Variants in PRDM6 observed in about 807,000 individuals in gnomAD.
PRDM6 encodes PR/SET domain 6.
In PRDM6, 25 loss-of-function variants were observed where a neutral mutation model predicts 60.8. The ratio of observed to expected loss-of-function variants is 0.41; its 90% confidence interval spans 0.30 to 0.57. The LOEUF (loss-of-function observed/expected upper bound fraction) is 0.57. Ranked by LOEUF, PRDM6 falls within the 20% of genes least tolerant of loss-of-function variation. The probability of loss-of-function intolerance (pLI) is 0.27; values close to 1 mark genes in which losing one functional copy is unlikely to be tolerated. For synonymous variants in PRDM6, 407 were observed against 357.4 expected (o/e 1.14, Z -1.57); for missense variants, 839 against 821.3 (o/e 1.02, Z -0.26).
chr5:123,117,996 G>A (rs902169258), intron 3 of PRDM6, among the ~76,000 whole-genome samples: 19 of 152,240 alleles, frequency 1.2e-4, no homozygotes, highest in Admixed American at 6.5e-4. Context: ...GAAAGACACA[G>A]TCCATGACTA....
At chr5:123,095,235 G>A (rs989168496) in intron 2 of PRDM6, among the ~76,000 whole-genome samples, 6 of 152,270 alleles carry the variant, frequency 3.9e-5, no homozygotes, top group Non-Finnish European at 8.8e-5. Context: ...CGGATCGTGG[G>A]TGGTGTCGGC....
In PRDM6 at chr5:123,187,937, A is replaced by G. The variant is rs1257035681; in HGVS notation, c.*736A>G. 1 of 152,174 alleles carries G rather than the reference A, an allele frequency of 6.6e-6. No individual in the cohort carries two copies. The highest frequency in any genetic ancestry group is 1.9e-4 in the East Asian group (1 of 5,186). 9.4% of individuals were successfully genotyped at this position (152,174 alleles called of 1,614,324 possible). On this transcript the variant is annotated 3_prime_UTR_variant, in exon 8 of 8. Transcript: ENST00000407847. ...GAACATGTAAAATGTACGGAGCTTC[A>G]TAATACGTTATATTGTTCCGAAGCA...
intron 7 of PRDM6, among the ~76,000 whole-genome samples, chr5:123,181,722 C>T (rs1337953783): frequency 1.3e-5 from 2 of 152,126 alleles, no homozygotes; most frequent in Admixed American, 6.5e-5. Context: ...TCAGTCTCAG[C>T]CAAGAAGTCT....
rs1360900272 is a variant in PRDM6 at position 123,127,625 on chromosome 5, G to C, written c.900+27664G>C. The stretch of plus-strand genomic sequence containing the variant: ...CATCTATGGATGAAATAAAGCAAAG[G>C]CTTTTGATCCGAAAACAGTGCTTTT... On this transcript the variant is annotated intron_variant, in intron 3 of 7. Transcript: ENST00000407847. Among the ~76,000 whole-genome samples, 4 of 152,216 alleles carry C rather than the reference G, an allele frequency of 2.6e-5. No homozygotes were observed. The East Asian group carries it at 5.8e-4, about 22-fold the overall frequency.
At position 123,099,970 on chromosome 5, in the gene PRDM6, C is replaced by T; in HGVS notation, c.900+9C>T. Reference sequence around the variant, plus strand: ...CGCAGCATCTCTGGGAGGTAAGTGGCCGGCTGCACAGCGCCTCCCCACCGA... The same window carrying T: ...CGCAGCATCTCTGGGAGGTAAGTGGTCGGCTGCACAGCGCCTCCCCACCGA... On this transcript the variant is annotated intron_variant, in intron 3 of 7. Coordinates refer to ENST00000407847, the MANE Select transcript of PRDM6 (RefSeq NM_001136239.4). The surrounding 1 kb of genome is among the most constrained non-coding windows in gnomAD (Gnocchi z 4.0). 6.7e-7 allele frequency: 1 copy of T among 1,495,096 alleles called. No individual in the cohort carries two copies. The highest frequency in any genetic ancestry group is 9.0e-7 in the Non-Finnish European group (1 of 1,114,710). 92.6% of individuals were successfully genotyped at this position (1,495,096 alleles called of 1,614,324 possible).
At position 123,099,885 on chromosome 5, in the gene PRDM6, G is replaced by T; in HGVS notation, c.824G>T (p.Gly275Val). The change falls in exon 3 of 8, where the codon GGA becomes GTA. Residue 275 changes from glycine to valine, a missense_variant. Around this residue, in one of 2 missense-constraint regions of PRDM6, gnomAD observed 730 missense variants for 648.8 expected, o/e 1.13. Transcript: ENST00000407847. This position sits in a 1 kb window ranked among gnomAD's most constrained non-coding sequence, Gnocchi z 4.0. Reference sequence around the variant, plus strand: ...AGGATCCAGCAAGGCACCTGGATTGGACCTTTCCAAGGCGTGCTTCTGCCC... The same window carrying T: ...AGGATCCAGCAAGGCACCTGGATTGTACCTTTCCAAGGCGTGCTTCTGCCC... ...AQRIQQGTWI[G>V]PFQGVLLPPE... The T allele has an allele frequency of 6.5e-7, 1 of 1,549,854 alleles. No individual in the cohort carries two copies. Among genetic ancestry groups the T allele is most frequent in the South Asian group, 1.2e-5 (1 of 83,610 alleles).
intron 2 of PRDM6, among the ~76,000 whole-genome samples, chr5:123,091,713 A>G (rs1168822334): frequency 1.3e-5 from 2 of 152,268 alleles, no homozygotes; most frequent in African/African-American, 4.8e-5. Flanking sequence ...GATTGAAAGC[A>G]ATACAGGATT....
intron 3 of PRDM6, among the ~76,000 whole-genome samples, chr5:123,144,514 T>C (rs1765192802): frequency 2.0e-5 from 3 of 151,854 alleles, no homozygotes; most frequent in Non-Finnish European, 4.4e-5. Context: ...GAGGCATGAA[T>C]GGGGTGGGGG....
At chr5:123,097,973 G>T (rs1763995451) in intron 2 of PRDM6, among the ~76,000 whole-genome samples, 1 of 152,236 alleles carries the variant, frequency 6.6e-6, no homozygotes, top group African/African-American at 2.4e-5. Flanking sequence ...GGTTTGGCTG[G>T]CTAGAGCCCC....
At chr5:123,118,541 C>T (rs759064790) in intron 3 of PRDM6, among the ~76,000 whole-genome samples, 1 of 152,218 alleles carries the variant, frequency 6.6e-6, no homozygotes, top group Non-Finnish European at 1.5e-5. Context: ...CATCCAAGCT[C>T]TCCCCTTCAT....
chr5:123,158,575 G>A (rs1428471050), intron 4 of PRDM6, among the ~76,000 whole-genome samples: 1 of 152,126 alleles, frequency 6.6e-6, no homozygotes, highest in Admixed American at 6.5e-5. Flanking sequence ...TGATCCTATT[G>A]CCAAGAGCCA....
At chr5:123,128,713 G>C (rs2150221902) in intron 3 of PRDM6, among the ~76,000 whole-genome samples, 1 of 152,294 alleles carries the variant, frequency 6.6e-6, no homozygotes, top group South Asian at 2.1e-4. Context: ...CTCCCATTCT[G>C]TAGGTTACCT....
At position 123,099,581 on chromosome 5, in the gene PRDM6, T is replaced by C; in HGVS notation, c.593-73T>C. On this transcript the variant is annotated intron_variant, in intron 2 of 7. Transcript: ENST00000407847. The surrounding 1 kb of genome is among the most constrained non-coding windows in gnomAD (Gnocchi z 4.0). ...CGGTGATGCTGTTGTCTCGGGAGTT[T>C]ACTCAAAGATGGGCCGCTCGGGGCG... 1 of 1,345,454 alleles carries C rather than the reference T, an allele frequency of 7.4e-7. No homozygotes were observed. Among genetic ancestry groups the C allele is most frequent in the Non-Finnish European group, 9.8e-7 (1 of 1,023,844 alleles). The allele number at this position is 1,345,454 out of a possible 1,614,324, so 83.3% of individuals were successfully genotyped here.
intron 4 of PRDM6, among the ~76,000 whole-genome samples, chr5:123,158,736 C>A (rs570912732): frequency 1.3e-4 from 19 of 151,472 alleles, no homozygotes; most frequent in African/African-American, 4.6e-4. Flanking sequence ...TAAGGCCCAC[C>A]AACCCTACAC....
At chr5:123,171,941 T>C (rs1321202686) in intron 6 of PRDM6, among the ~76,000 whole-genome samples, 1 of 152,252 alleles carries the variant, frequency 6.6e-6, no homozygotes, top group Non-Finnish European at 1.5e-5. Flanking sequence ...TGTGTTTTTA[T>C]CTCTCCTTCA....
intron 3 of PRDM6, among the ~76,000 whole-genome samples, chr5:123,114,895 A>G (rs1287825368): frequency 6.6e-6 from 1 of 152,182 alleles, no homozygotes; most frequent in African/African-American, 2.4e-5. Flanking sequence ...ACCACTCTGG[A>G]TGCTTGGTGG....
chr5:123,107,025 C>A (rs1372703252), intron 3 of PRDM6, among the ~76,000 whole-genome samples: 2 of 152,158 alleles, frequency 1.3e-5, no homozygotes, highest in Admixed American at 6.5e-5. Flanking sequence ...AGGAATCTTA[C>A]AATTATGAAA....
chr5:123,097,710 T>C (rs986965738), intron 2 of PRDM6, among the ~76,000 whole-genome samples: 2 of 152,174 alleles, frequency 1.3e-5, no homozygotes, highest in Non-Finnish European at 2.9e-5. Context: ...AGTGTGAGAA[T>C]ACTCCCATCC....
chr5:123,174,435 G>T (rs335200), intron 6 of PRDM6, among the ~76,000 whole-genome samples: 13,158 of 152,194 alleles, frequency 0.086, 562 homozygotes, highest in Non-Finnish European at 0.099. Flanking sequence ...CTAGAACCAG[G>T]TACAAGAAAG....
Sources: gnomAD v4.1 joint callset for allele counts (sites outside exome capture counted in the v4.1 genomes callset) on GRCh38, gnomAD v4.1.1 for gene constraint, gnomAD v4.1.1 regional missense constraint, Gnocchi (gnomAD v3.1) non-coding constraint, MANE v1.5 for transcripts, NCBI Gene and HGNC (gene_info 2026-07-23, HGNC 2026-07-21) for gene names.